Variants in WWOX observed in about 807,000 individuals in gnomAD.
The protein encoded by WWOX is WW domain-containing oxidoreductase.
WWOX carries 69 observed loss-of-function variants against 46.2 expected under a neutral mutation model. The ratio of observed to expected loss-of-function variants is 1.49; its 90% CI spans 1.23 to 1.82. WWOX has a LOEUF of 1.82. Ranked by LOEUF, WWOX falls within the 40% of genes most tolerant of loss-of-function variation. The probability of loss-of-function intolerance (pLI) is 0.00; values close to 1 mark genes in which losing one functional copy is unlikely to be tolerated. For synonymous variants in WWOX, 359 were observed against 202.6 expected, an observed-to-expected ratio of 1.77 and a Z score of -6.56; for missense variants, 919 against 542.6, an observed-to-expected ratio of 1.69 and a Z score of -6.89.
chr16:78,872,163 G>C (rs2044142978), intron 8 of WWOX, among the ~76,000 whole-genome samples: 1 of 152,218 alleles, frequency 6.6e-6, no homozygotes, highest in Admixed American at 6.5e-5. Flanking sequence ...GGTACTTTTA[G>C]AGACGATGTC....
intron 8 of WWOX, among the ~76,000 whole-genome samples, chr16:78,578,616 C>T (rs927107188): frequency 6.6e-6 from 1 of 151,960 alleles, no homozygotes; most frequent in African/African-American, 2.4e-5. Flanking sequence ...CACAAACATA[C>T]ACACACGCAC....
At chr16:78,308,441 C>G (rs56168155) in intron 5 of WWOX, among the ~76,000 whole-genome samples, 1 of 152,032 alleles carries the variant, frequency 6.6e-6, no homozygotes, top group Non-Finnish European at 1.5e-5. Flanking sequence ...AAAACAGATC[C>G]TAAGGCTGAC....
chr16:79,153,334 G>A (rs1383248152), intron 8 of WWOX, among the ~76,000 whole-genome samples: 1 of 152,054 alleles, frequency 6.6e-6, no homozygotes. Context: ...CATGAGTCAC[G>A]CCAAGCCGCC....
intron 4 of WWOX, among the ~76,000 whole-genome samples, chr16:78,125,450 C>T (rs1470034420): frequency 2.0e-5 from 3 of 152,092 alleles, no homozygotes; most frequent in African/African-American, 7.2e-5. Flanking sequence ...TGGAATCAAC[C>T]AATTTATTTA....
chr16:78,457,485 T>C (rs1332759753), intron 8 of WWOX, among the ~76,000 whole-genome samples: 1 of 152,166 alleles, frequency 6.6e-6, no homozygotes, highest in African/African-American at 2.4e-5. Flanking sequence ...ATAGAAAAAC[T>C]GTTGATTCTT....
chr16:78,642,815 T>G (rs767944717), intron 8 of WWOX, among the ~76,000 whole-genome samples: 10 of 152,158 alleles, frequency 6.6e-5, no homozygotes, highest in Non-Finnish European at 1.5e-4. Context: ...ACATCTCTTT[T>G]CTAACTGTCC....
At chr16:78,805,289 G>T (rs372652140) in intron 8 of WWOX, among the ~76,000 whole-genome samples, 17 of 152,276 alleles carry the variant, frequency 1.1e-4, no homozygotes, top group East Asian at 9.7e-4. Flanking sequence ...GTCTCACCCT[G>T]TCGCCCAGGC....
chr16:78,395,064 T>G (rs2082255256), intron 6 of WWOX, among the ~76,000 whole-genome samples: 1 of 152,262 alleles, frequency 6.6e-6, no homozygotes, highest in Non-Finnish European at 1.5e-5. Flanking sequence ...CTGGGGCTAT[T>G]GGTAATATGC....
In WWOX at chr16:78,099,898, C is replaced by T. The variant is rs373944829; in HGVS notation, c.107+13C>T. ...TTTACTACGCCAAGTAAGGGGGCCGCAGTGGGGCCGCGGACGCACCTGGGA... is the reference window on the plus strand; with the variant it reads ...TTTACTACGCCAAGTAAGGGGGCCGTAGTGGGGCCGCGGACGCACCTGGGA... On this transcript the variant is annotated intron_variant, in intron 1 of 8. Coordinates refer to ENST00000566780, the MANE Select transcript of WWOX (RefSeq NM_016373.4). 1.9e-6 allele frequency: 3 copies of T among 1,555,094 alleles called. No individual in the cohort carries two copies. The highest frequency in any genetic ancestry group is 2.7e-5 in the African/African-American group (2 of 73,170).
chr16:78,689,560 A>T (rs2142260667), intron 8 of WWOX, among the ~76,000 whole-genome samples: 1 of 152,318 alleles, frequency 6.6e-6, no homozygotes, highest in African/African-American at 2.4e-5. Context: ...CAGTCTAGAG[A>T]GAATCCCTTC....
At chr16:78,188,370 C>A (rs1238103154) in intron 5 of WWOX, among the ~76,000 whole-genome samples, 4 of 151,852 alleles carry the variant, frequency 2.6e-5, no homozygotes, top group African/African-American at 4.8e-5. Context: ...TGCCTGTAGT[C>A]CCAGCTACTC....
In WWOX at chr16:78,188,341, T is replaced by C. The variant is rs566481111; in HGVS notation, c.516+24052T>C. 2.0e-3 allele frequency among the ~76,000 whole-genome samples: 305 copies of C among 151,898 alleles called. 1 individual carries two copies. Among genetic ancestry groups the C allele is most frequent in the African/African-American group, 6.9e-3 (287 of 41,396 alleles). ...CGTCTTTACTAAAAATACAAAAAATTAGCCAATGTGGTGGTGGGTGCCTGT... is the reference window on the plus strand; with the variant it reads ...CGTCTTTACTAAAAATACAAAAAATCAGCCAATGTGGTGGTGGGTGCCTGT... On this transcript the variant is annotated intron_variant, in intron 5 of 8. Coordinates refer to ENST00000566780, the MANE Select transcript of WWOX (RefSeq NM_016373.4).
At chr16:78,727,250 T>A (rs2048857365) in intron 8 of WWOX, among the ~76,000 whole-genome samples, 1 of 152,134 alleles carries the variant, frequency 6.6e-6, no homozygotes, top group African/African-American at 2.4e-5. Flanking sequence ...AATACAAAAA[T>A]TAGCTGGGTT....
chr16:78,471,477 C>G (rs2084219018), intron 8 of WWOX, among the ~76,000 whole-genome samples: 1 of 152,214 alleles, frequency 6.6e-6, no homozygotes, highest in Non-Finnish European at 1.5e-5. Context: ...AAGACGTTCT[C>G]CATCGTTTGG....
chr16:78,804,417 TA>T (rs879444786), intron 8 of WWOX, among the ~76,000 whole-genome samples: 807 of 134,324 alleles, frequency 6.0e-3, no homozygotes, highest in East Asian at 0.022. Context: ...TCAGCCAAAT[TA>T]AAAAAAAAAA....
chr16:78,876,940 A>T (rs942290100), intron 8 of WWOX, among the ~76,000 whole-genome samples: 33 of 152,202 alleles, frequency 2.2e-4, no homozygotes, highest in African/African-American at 8.0e-4. Flanking sequence ...ATTAAGGCAT[A>T]AAGTAGGAAA....
intron 8 of WWOX, among the ~76,000 whole-genome samples, chr16:78,951,391 A>T (rs992041759): frequency 1.3e-5 from 2 of 152,134 alleles, no homozygotes; most frequent in African/African-American, 4.8e-5. Context: ...AGTGGGTCAC[A>T]TGTAAATCAT....
Position 78,816,034 on chromosome 16 carries a change from C to G in WWOX, c.1056+383282C>G, listed in dbSNP as rs1285004480. Among the ~76,000 whole-genome samples, 3 of 152,270 alleles carry G rather than the reference C, an allele frequency of 2.0e-5. No individual in the cohort carries two copies. In the East Asian group the frequency reaches 5.8e-4, roughly 29 times the overall value. On this transcript the variant is annotated intron_variant, in intron 8 of 8. Coordinates refer to ENST00000566780, the MANE Select transcript of WWOX (RefSeq NM_016373.4). ...GAACTGTAAGGCCAAGTGGTCATAG[C>G]CAGAACATGGCAGAAACATTCCTGC...
intron 8 of WWOX, among the ~76,000 whole-genome samples, chr16:78,625,468 G>A (rs2046290283): frequency 6.6e-6 from 1 of 152,008 alleles, no homozygotes; most frequent in Admixed American, 6.6e-5. Context: ...TTTATTTTTT[G>A]AAACAGACTT....
Sources: allele counts gnomAD v4.1 joint callset (sites outside exome capture counted in the v4.1 genomes callset), GRCh38; gene constraint gnomAD v4.1.1; transcripts MANE v1.5; gene names NCBI Gene and HGNC (gene_info 2026-07-23, HGNC 2026-07-21).